Variants in POU2F1 observed in about 807,000 individuals in gnomAD.
POU2F1 encodes the protein POU domain, class 2, transcription factor 1.
In POU2F1, 16 loss-of-function variants were observed where a neutral mutation model predicts 84.9. That is an observed-to-expected ratio of 0.19 (90% CI 0.13 to 0.29). POU2F1 has a LOEUF of 0.29. Among genes scored for constraint, POU2F1 ranks in the 10% least tolerant of loss-of-function variants. POU2F1 has a pLI of 1.00. For missense variants in POU2F1, 738 were observed against 942.6 expected, an observed-to-expected ratio of 0.78 and a Z score of 2.84; for synonymous variants, 368 against 368.3, an observed-to-expected ratio of 1.00 and a Z score of 0.01.
At chr1:167,360,413 A>G (rs1659280334) in intron 2 of POU2F1, among the ~76,000 whole-genome samples, 1 of 152,174 alleles carries the variant, frequency 6.6e-6, no homozygotes, top group Non-Finnish European at 1.5e-5. Flanking sequence ...ATTCTTCTGC[A>G]TATGGTCAGC....
intron 2 of POU2F1, among the ~76,000 whole-genome samples, chr1:167,356,582 A>C (rs1658950882): frequency 6.6e-6 from 1 of 152,104 alleles, no homozygotes; most frequent in Non-Finnish European, 1.5e-5. Flanking sequence ...ACTGGCGGCA[A>C]ATATATACGG....
At chr1:167,385,326 A>G (rs935652502) in intron 8 of POU2F1, among the ~76,000 whole-genome samples, 5 of 152,344 alleles carry the variant, frequency 3.3e-5, no homozygotes, top group African/African-American at 1.2e-4. Flanking sequence ...AGAAATTTGC[A>G]TACTGTTTCT....
chr1:167,238,637 C>T (rs1442805072), intron 1 of POU2F1, among the ~76,000 whole-genome samples: 1 of 152,118 alleles, frequency 6.6e-6, no homozygotes, highest in Non-Finnish European at 1.5e-5. Context: ...GAGGACTATT[C>T]AAAATGGTCT....
chr1:167,371,630 C>T (rs534557803), intron 4 of POU2F1, among the ~76,000 whole-genome samples: 1 of 152,206 alleles, frequency 6.6e-6, no homozygotes, highest in South Asian at 2.1e-4. Context: ...CCCTTTACCC[C>T]CTATTTCTAG....
At chr1:167,233,908 G>C (rs781016572) in intron 1 of POU2F1, among the ~76,000 whole-genome samples, 1 of 152,182 alleles carries the variant, frequency 6.6e-6, no homozygotes. Flanking sequence ...TCAAGTCTTT[G>C]TGCCAGTTGT....
At chr1:167,267,189 A>G (rs928204684) in intron 1 of POU2F1, among the ~76,000 whole-genome samples, 2 of 151,866 alleles carry the variant, frequency 1.3e-5, no homozygotes, top group Non-Finnish European at 2.9e-5. Context: ...GCTATCAAAT[A>G]TATTAAATGG....
Position 167,380,819 on chromosome 1 carries a change from A to G in POU2F1, c.719-3038A>G, listed in dbSNP as rs529042028. 1.2e-4 allele frequency: 19 copies of G among 152,346 alleles called. No individual in the cohort carries two copies. In the East Asian group the frequency reaches 2.9e-3, roughly 23 times the overall value. The allele number at this position is 152,346 out of a possible 1,614,324, so 9.4% of individuals were successfully genotyped here. On this transcript the variant is annotated intron_variant, in intron 7 of 15. Transcript: ENST00000367866. Reference sequence around the variant, plus strand: ...TCATATTTTTGGTAATATTGCTATGATTATATAACTGTAACTGTCTAGAAT... The same window carrying G: ...TCATATTTTTGGTAATATTGCTATGGTTATATAACTGTAACTGTCTAGAAT...
chr1:167,238,328 G>C (rs1456445154), intron 1 of POU2F1, among the ~76,000 whole-genome samples: 3 of 152,000 alleles, frequency 2.0e-5, no homozygotes, highest in Non-Finnish European at 4.4e-5. Flanking sequence ...CAAATACTCT[G>C]TAAACTTCTT....
chr1:167,337,827 A>G, intron 2 of POU2F1: 1 of 257,852 alleles, frequency 3.9e-6, no homozygotes, highest in South Asian at 4.2e-5. Flanking sequence ...ATTGATTAGT[A>G]AGGAAAGACA....
chr1:167,338,047 T>C, intron 2 of POU2F1: 1 of 438,478 alleles, frequency 2.3e-6, no homozygotes, highest in Non-Finnish European at 4.5e-6. Context: ...AGAAACATTT[T>C]TAGACAAATG....
chr1:167,411,692 T>C (rs1649979276), intron 13 of POU2F1, among the ~76,000 whole-genome samples: 1 of 152,230 alleles, frequency 6.6e-6, no homozygotes, highest in African/African-American at 2.4e-5. Flanking sequence ...TATGATTCTT[T>C]TGTTTCTTGA....
chr1:167,341,693 A>G (rs1293506544), intron 2 of POU2F1, among the ~76,000 whole-genome samples: 1 of 152,222 alleles, frequency 6.6e-6, no homozygotes, highest in Non-Finnish European at 1.5e-5. Flanking sequence ...CCAAGTGGGC[A>G]CATGTTTCAG....
chr1:167,240,582 G>A (rs1428647591), intron 1 of POU2F1, among the ~76,000 whole-genome samples: 2 of 152,110 alleles, frequency 1.3e-5, no homozygotes, highest in South Asian at 2.1e-4. Context: ...CTTATACTTA[G>A]CCTAAGTTTG....
Position 167,401,495 on chromosome 1 carries a change from C to T in POU2F1, c.1494C>T (p.Thr498=). 1 of 1,613,424 alleles carries T rather than the reference C, an allele frequency of 6.2e-7. No individual in the cohort carries two copies. Among genetic ancestry groups the T allele is most frequent in the Non-Finnish European group, 8.5e-7 (1 of 1,179,786 alleles). The change falls in exon 13 of 16, where the codon ACC becomes ACT. Residue 498 remains threonine (T), a synonymous_variant. Transcript: ENST00000367866. Reference sequence around the variant, plus strand: ...TTGTGACTAGCAGTGCAGCAACTACCCTCACAGTCAGCCCTGTCCTCCCTC... The same window carrying T: ...TTGTGACTAGCAGTGCAGCAACTACTCTCACAGTCAGCCCTGTCCTCCCTC... The part of the protein sequence containing the change: ...PSLVTSSAAT[T]LTVSPVLPLT...
chr1:167,306,926 A>G (rs535245703), intron 1 of POU2F1, among the ~76,000 whole-genome samples: 3 of 152,328 alleles, frequency 2.0e-5, no homozygotes, highest in East Asian at 3.9e-4. Context: ...ACACAGTTCA[A>G]TCCGTAACAG....
At chr1:167,275,992 G>A (rs1652702586) in intron 1 of POU2F1, among the ~76,000 whole-genome samples, 2 of 152,158 alleles carry the variant, frequency 1.3e-5, no homozygotes, top group Non-Finnish European at 2.9e-5. Context: ...AGCGATCTAA[G>A]AACAAAATAT....
At chr1:167,366,978 C>A (rs1006368987) in intron 3 of POU2F1, among the ~76,000 whole-genome samples, 1 of 152,112 alleles carries the variant, frequency 6.6e-6, no homozygotes, top group African/African-American at 2.4e-5. Context: ...TCTGCAGGAT[C>A]CTTCTGGATC....
chr1:167,314,213 AC>A (rs71572445), intron 1 of POU2F1, among the ~76,000 whole-genome samples: 1 of 150,628 alleles, frequency 6.6e-6, no homozygotes, highest in African/African-American at 2.5e-5. Flanking sequence ...AAAAAAAAAA[AC>A]AAAACTTCAA....
chr1:167,347,364 T>C (rs1658270010), intron 2 of POU2F1, among the ~76,000 whole-genome samples: 1 of 152,170 alleles, frequency 6.6e-6, no homozygotes, highest in Non-Finnish European at 1.5e-5. Context: ...ATTCAAGAAA[T>C]TGTTAATCTT....
Sources: gnomAD v4.1 joint callset for allele counts (sites outside exome capture counted in the v4.1 genomes callset) on GRCh38, gnomAD v4.1.1 for gene constraint, MANE v1.5 for transcripts, NCBI Gene and HGNC (gene_info 2026-07-23, HGNC 2026-07-21) for gene names.